The following LRP1B variants were observed in gnomAD, a reference collection of about 807,000 sequenced individuals.
The protein encoded by LRP1B is LDL receptor related protein 1B.
In LRP1B, 217 loss-of-function variants were observed where a neutral mutation model predicts 556.6. That is an observed-to-expected ratio of 0.39 (90% CI 0.35 to 0.44). LRP1B has a LOEUF of 0.44. Ranked by LOEUF, LRP1B falls within the 20% of genes least tolerant of loss-of-function variation. The pLI, the probability that LRP1B is intolerant of heterozygous loss-of-function variation, is 1.00. For synonymous variants in LRP1B, 2,047 were observed against 1,865.8 expected (o/e 1.10, Z -2.50); for missense variants, 5,053 against 5,620.8 (o/e 0.90, Z 3.23).
intron 11 of LRP1B, among the ~76,000 whole-genome samples, chr2:141,032,160 C>A (rs1036935511): frequency 3.3e-5 from 5 of 152,132 alleles, no homozygotes; most frequent in Admixed American, 2.6e-4. Context: ...GCAAAAATAT[C>A]TTTTAACTCA....
At chr2:141,527,253 A>T (rs761391269) in intron 2 of LRP1B, among the ~76,000 whole-genome samples, 1 of 152,208 alleles carries the variant, frequency 6.6e-6, no homozygotes, top group African/African-American at 2.4e-5. Context: ...AAAAATACCA[A>T]CATAATTCTT....
intron 3 of LRP1B, among the ~76,000 whole-genome samples, chr2:141,369,172 T>C (rs1032445304): frequency 3.3e-5 from 5 of 152,100 alleles, no homozygotes; most frequent in African/African-American, 1.2e-4. Context: ...CCCATCTAAA[T>C]AGGAACAAAG....
At chr2:141,427,113 G>A (rs1034038069) in intron 3 of LRP1B, among the ~76,000 whole-genome samples, 8 of 152,028 alleles carry the variant, frequency 5.3e-5, no homozygotes, top group Non-Finnish European at 7.4e-5. Context: ...TTATGAGTGC[G>A]AACAATTAGT....
chr2:141,215,011 G>A (rs1049547802), intron 6 of LRP1B, among the ~76,000 whole-genome samples: 1 of 152,200 alleles, frequency 6.6e-6, no homozygotes, highest in Non-Finnish European at 1.5e-5. Flanking sequence ...TTGAATATAT[G>A]TCTCCACCAA....
At chr2:140,370,895 C>A (rs550212178) in intron 70 of LRP1B, 53 bp from the exon 71 acceptor site, 1 of 1,583,424 alleles carries the variant, frequency 6.3e-7, no homozygotes, top group Non-Finnish European at 8.6e-7. Flanking sequence ...ATGATACAAT[C>A]ATGGGCAAAA....
intron 41 of LRP1B, among the ~76,000 whole-genome samples, chr2:140,638,818 T>G (rs116143321): frequency 2.4e-3 from 356 of 150,892 alleles, no homozygotes; most frequent in African/African-American, 8.3e-3. Context: ...TACATGTATA[T>G]ATACAAAATT....
At chr2:140,523,861 T>C (rs1313745607) in intron 49 of LRP1B, among the ~76,000 whole-genome samples, 2 of 151,880 alleles carry the variant, frequency 1.3e-5, no homozygotes, top group African/African-American at 4.8e-5. Context: ...TCTCAAACTA[T>C]AAAAATACTG....
intron 2 of LRP1B, among the ~76,000 whole-genome samples, chr2:141,741,288 T>C (rs1042443412): frequency 6.9e-6 from 1 of 144,632 alleles, no homozygotes; most frequent in Non-Finnish European, 1.5e-5. Flanking sequence ...TTTTTTTTTT[T>C]TTTTTAGTAT....
intron 1 of LRP1B, among the ~76,000 whole-genome samples, chr2:142,074,672 T>G (rs1309082752): frequency 1.3e-5 from 2 of 152,018 alleles, no homozygotes; most frequent in East Asian, 3.9e-4. Flanking sequence ...TGATAGCCAG[T>G]CATCTCCTAC....
chr2:141,485,908 C>G (rs147658949), intron 2 of LRP1B, among the ~76,000 whole-genome samples: 39 of 152,230 alleles, frequency 2.6e-4, no homozygotes, highest in Non-Finnish European at 5.4e-4. Context: ...GTTGGAGGCT[C>G]TCTGGTAAAC....
intron 1 of LRP1B, among the ~76,000 whole-genome samples, chr2:142,024,411 A>T (rs1370120260): frequency 1.3e-5 from 2 of 152,136 alleles, no homozygotes; most frequent in Non-Finnish European, 2.9e-5. Flanking sequence ...GGAGTTTCTC[A>T]TTCAGTAGCT....
rs774300169 is a variant in LRP1B, at chr2:140,450,548, A to G, written c.10057+20T>C. Reference sequence around the variant, plus strand: ...AAGGAACTCTAAATTCTAAATTTCAATATTTGCCAGTATACTCACGACAGT... The same window carrying G: ...AAGGAACTCTAAATTCTAAATTTCAGTATTTGCCAGTATACTCACGACAGT... On this transcript the variant is annotated intron_variant, in intron 63 of 90. Transcript: ENST00000389484. The G allele has an allele frequency of 1.0e-5, 16 of 1,562,362 alleles. No homozygotes were observed. The highest frequency in any genetic ancestry group is 3.4e-5 in the South Asian group (3 of 88,752).
chr2:140,375,752 A>T (rs1178578894), intron 68 of LRP1B, among the ~76,000 whole-genome samples: 1 of 152,088 alleles, frequency 6.6e-6, no homozygotes, highest in African/African-American at 2.4e-5. Context: ...TTCTTACAAC[A>T]TATTACGCTA....
intron 2 of LRP1B, among the ~76,000 whole-genome samples, chr2:141,768,266 T>G (rs1233516912): frequency 6.6e-6 from 1 of 152,168 alleles, no homozygotes; most frequent in Non-Finnish European, 1.5e-5. Flanking sequence ...CTAGAAATTA[T>G]TCCTTAGTAT....
chr2:140,847,789 G>T (rs1345777336), intron 29 of LRP1B, among the ~76,000 whole-genome samples: 1 of 150,234 alleles, frequency 6.7e-6, no homozygotes. Flanking sequence ...AGAAAGAAAA[G>T]AAAATGTTCC....
intron 41 of LRP1B, among the ~76,000 whole-genome samples, chr2:140,685,011 G>A (rs1193212683): frequency 6.6e-6 from 1 of 152,058 alleles, no homozygotes; most frequent in Admixed American, 6.5e-5. Flanking sequence ...CTTCTGTCAT[G>A]TAATTTTAAA....
intron 43 of LRP1B, among the ~76,000 whole-genome samples, chr2:140,559,509 G>A (rs1428481929): frequency 6.6e-6 from 1 of 152,084 alleles, no homozygotes; most frequent in Non-Finnish European, 1.5e-5. Context: ...ATTTGTAACA[G>A]CAGCAGAAAC....
intron 68 of LRP1B, among the ~76,000 whole-genome samples, chr2:140,374,860 C>A (rs1369937414): frequency 6.6e-6 from 1 of 152,056 alleles, no homozygotes; most frequent in Non-Finnish European, 1.5e-5. Context: ...TTAAGTAAAG[C>A]AGCTCAATGA....
chr2:140,996,462 A>T (rs1462143872), intron 15 of LRP1B, among the ~76,000 whole-genome samples: 1 of 152,074 alleles, frequency 6.6e-6, no homozygotes, highest in African/African-American at 2.4e-5. Flanking sequence ...TCTACAAAGC[A>T]TTTGTTTTAT....
Sources: gnomAD v4.1 joint callset for allele counts (sites outside exome capture counted in the v4.1 genomes callset) on GRCh38, gnomAD v4.1.1 for gene constraint, MANE v1.5 for transcripts, NCBI Gene and HGNC (gene_info 2026-07-23, HGNC 2026-07-21) for gene names.